ASTN2: variants seen among roughly 807,000 people sequenced by gnomAD.
The protein encoded by ASTN2 is astrotactin-2.
In ASTN2, 54 loss-of-function variants were observed where a neutral mutation model predicts 139.8. The observed-to-expected ratio is 0.39, with a 90% CI of 0.31 to 0.48. The LOEUF (loss-of-function observed/expected upper bound fraction) is 0.48, where lower values mean the gene tolerates loss of function less well. Ranked by LOEUF, ASTN2 falls within the 20% of genes least tolerant of loss-of-function variation. The pLI is 0.95. For missense variants in ASTN2, 1,565 were observed against 1,725.1 expected (o/e 0.91, Z 1.64); for synonymous variants, 756 against 719.5 (o/e 1.05, Z -0.81).
chr9:116,483,983 CTG>C (rs1429342781), intron 20 of ASTN2, among the ~76,000 whole-genome samples: 2 of 152,188 alleles, frequency 1.3e-5, no homozygotes, highest in Non-Finnish European at 2.9e-5. Context: ...TGGTGTCTGA[CTG>C]TGTTTAACTA....
intron 20 of ASTN2, among the ~76,000 whole-genome samples, chr9:116,449,834 G>A (rs1367911332): frequency 2.0e-5 from 3 of 152,280 alleles, no homozygotes; most frequent in Admixed American, 2.0e-4. Context: ...GCCATGTGTG[G>A]TTGCTTCAGC....
At chr9:117,387,516 G>A (rs968414818) in intron 1 of ASTN2, among the ~76,000 whole-genome samples, 10 of 152,132 alleles carry the variant, frequency 6.6e-5, no homozygotes, top group Non-Finnish European at 1.3e-4. Context: ...GGCAAAAAGG[G>A]GTAGAGGCAA....
intron 2 of ASTN2, among the ~76,000 whole-genome samples, chr9:117,276,606 G>A (rs546054802): frequency 6.6e-6 from 1 of 152,316 alleles, no homozygotes; most frequent in African/African-American, 2.4e-5. Flanking sequence ...TAATAAAACA[G>A]GAACCGAAGA....
intron 5 of ASTN2, among the ~76,000 whole-genome samples, chr9:117,053,848 CA>C (rs1838981766): frequency 6.6e-6 from 1 of 152,170 alleles, no homozygotes; most frequent in Non-Finnish European, 1.5e-5. Context: ...TAAACACACC[CA>C]TCTCCAGATC....
chr9:117,177,791 C>T (rs190535120), intron 3 of ASTN2, among the ~76,000 whole-genome samples: 7 of 152,154 alleles, frequency 4.6e-5, no homozygotes, highest in African/African-American at 1.2e-4. Context: ...CAGCAACCTG[C>T]GACCTGTTCT....
Position 117,033,821 on chromosome 9 carries a change from A to G in ASTN2, c.1423+5998T>C, listed in dbSNP as rs977410832. 4.6e-5 allele frequency among the ~76,000 whole-genome samples: 7 copies of G among 152,216 alleles called. No homozygotes were observed. In the South Asian group the frequency reaches 1.5e-3, roughly 32 times the overall value. On this transcript the variant is annotated intron_variant, in intron 6 of 22. Transcript: ENST00000313400. ...GAGCCCCACTTTTCACGTACGCAAAATGAGGATACTAAATCCAGACTCTCA... is the reference window on the plus strand; with the variant it reads ...GAGCCCCACTTTTCACGTACGCAAAGTGAGGATACTAAATCCAGACTCTCA...
chr9:116,698,988 A>C lies in ASTN2; in HGVS notation c.2806+26783T>G. 6.2e-7 allele frequency: 1 copy of C among 1,614,156 alleles called. No homozygotes were observed. The highest frequency in any genetic ancestry group is 8.5e-7 in the Non-Finnish European group (1 of 1,180,012). ...CCGCCGCAGCCCCAGTGGCATTGAT[A>C]GCTTTGTGCTAAGCTTCCTTGGGGC... On this transcript the variant is annotated intron_variant, in intron 16 of 22. Transcript: ENST00000313400. This position sits in a 1 kb window ranked among gnomAD's most constrained non-coding sequence, Gnocchi z 4.4.
chr9:117,198,309 T>C (rs1299243698), intron 3 of ASTN2, among the ~76,000 whole-genome samples: 1 of 152,222 alleles, frequency 6.6e-6, no homozygotes, highest in African/African-American at 2.4e-5. Context: ...GTAAGTGTGC[T>C]GAGGGTGATG....
rs571349366 is a variant in ASTN2, at chr9:116,576,055, T to C, written c.3355+42269A>G. On this transcript the variant is annotated intron_variant, in intron 19 of 22. Transcript: ENST00000313400. ...AAGTTTCAATGAACCCAAAAGGTTATTGAGCGCCCCACCCCTCTATTTGCA... is the reference window on the plus strand; with the variant it reads ...AAGTTTCAATGAACCCAAAAGGTTACTGAGCGCCCCACCCCTCTATTTGCA... 3.3e-5 allele frequency among the ~76,000 whole-genome samples: 5 copies of C among 152,254 alleles called. No individual in the cohort carries two copies. In the East Asian group the frequency reaches 9.7e-4, roughly 30 times the overall value.
At chr9:117,213,705 C>A (rs1832216583) in intron 3 of ASTN2, among the ~76,000 whole-genome samples, 1 of 152,166 alleles carries the variant, frequency 6.6e-6, no homozygotes, top group Non-Finnish European at 1.5e-5. Context: ...TCCCATTTTT[C>A]TCAGCCCTGG....
chr9:116,868,297 G>A (rs1833069336), intron 10 of ASTN2, among the ~76,000 whole-genome samples: 1 of 152,160 alleles, frequency 6.6e-6, no homozygotes, highest in African/African-American at 2.4e-5. Flanking sequence ...AGGGGCTTAG[G>A]GAAGTTATGT....
intron 1 of ASTN2, among the ~76,000 whole-genome samples, chr9:117,410,570 T>C (rs757869109): frequency 1.1e-4 from 16 of 152,210 alleles, no homozygotes; most frequent in Non-Finnish European, 1.6e-4. Flanking sequence ...GGGGGATAAA[T>C]GACTTATTCA....
intron 13 of ASTN2, among the ~76,000 whole-genome samples, chr9:116,765,474 T>C (rs958454750): frequency 6.6e-6 from 1 of 152,150 alleles, no homozygotes; most frequent in African/African-American, 2.4e-5. Context: ...AACATTTAAA[T>C]ATGCATATCT....
chr9:116,564,132 T>A (rs1194046355), intron 19 of ASTN2, among the ~76,000 whole-genome samples: 1 of 152,208 alleles, frequency 6.6e-6, no homozygotes, highest in African/African-American at 2.4e-5. Context: ...ATCAAATAAG[T>A]AGAGAAGTCC....
intron 10 of ASTN2, among the ~76,000 whole-genome samples, chr9:116,942,221 C>T (rs1408837288): frequency 6.6e-6 from 1 of 152,126 alleles, no homozygotes; most frequent in Admixed American, 6.5e-5. Flanking sequence ...CCTCAGATCT[C>T]AGTGCTGATA....
chr9:116,545,105 G>T (rs1852035673), intron 19 of ASTN2, among the ~76,000 whole-genome samples: 1 of 152,210 alleles, frequency 6.6e-6, no homozygotes, highest in Admixed American at 6.5e-5. Context: ...ACCAGCAACT[G>T]CTGGCCTAGA....
intron 17 of ASTN2, among the ~76,000 whole-genome samples, chr9:116,635,244 C>G (rs1857018580): frequency 6.6e-6 from 1 of 152,128 alleles, no homozygotes; most frequent in Non-Finnish European, 1.5e-5. Flanking sequence ...TCATATTACT[C>G]CCATCTTACA....
intron 1 of ASTN2, among the ~76,000 whole-genome samples, chr9:117,294,579 G>A (rs140425167): frequency 2.6e-3 from 402 of 152,302 alleles, no homozygotes; most frequent in African/African-American, 8.9e-3. Context: ...CTCAGAACAC[G>A]GAGTTAAATG....
intron 17 of ASTN2, among the ~76,000 whole-genome samples, chr9:116,649,032 TCAAA>T (rs932701729): frequency 3.3e-5 from 5 of 151,840 alleles, no homozygotes; most frequent in Non-Finnish European, 5.9e-5. Context: ...AGACTCAGTC[TCAAA>T]CAAACAAACA....
Sources: allele counts gnomAD v4.1 joint callset (sites outside exome capture counted in the v4.1 genomes callset), GRCh38; gene constraint gnomAD v4.1.1; non-coding constraint Gnocchi (gnomAD v3.1); transcripts MANE v1.5; gene names NCBI Gene and HGNC (gene_info 2026-07-23, HGNC 2026-07-21).